SYNE1: variants seen among roughly 807,000 people sequenced by gnomAD.
SYNE1 encodes the protein nesprin-1.
In SYNE1, 616 loss-of-function variants were observed where a neutral mutation model predicts 1,111.0. The observed-to-expected ratio is 0.55, with a 90% CI of 0.52 to 0.59. The LOEUF (loss-of-function observed/expected upper bound fraction) is 0.59, where lower values mean the gene tolerates loss of function less well. Among genes scored for constraint, SYNE1 ranks in the 20% least tolerant of loss-of-function variants. The probability of loss-of-function intolerance (pLI) is 0.00; values close to 1 mark genes in which losing one functional copy is unlikely to be tolerated. For synonymous variants in SYNE1, 3,855 were observed against 3,825.8 expected (o/e 1.01, Z -0.28); for missense variants, 10,006 against 10,417.0 (o/e 0.96, Z 1.72).
At chr6:152,224,758 C>T (rs746867242) in intron 116 of SYNE1, 94 bp from the exon 117 acceptor site, 21 of 1,286,250 alleles carry the variant, frequency 1.6e-5, no homozygotes, top group Non-Finnish European at 1.9e-5. Context: ...CATCTAAGAA[C>T]TTCATCAGGG....
intron 100 of SYNE1, among the ~76,000 whole-genome samples, 181 bp from the exon 101 acceptor site, chr6:152,262,369 A>G (rs977376916): frequency 5.3e-5 from 8 of 152,228 alleles, no homozygotes; most frequent in Non-Finnish European, 8.8e-5. Context: ...ATTCCTACTC[A>G]TTGATAAACT....
At chr6:152,494,303 A>C (rs1347764152) in intron 11 of SYNE1, among the ~76,000 whole-genome samples, 1 of 152,046 alleles carries the variant, frequency 6.6e-6, no homozygotes, top group Non-Finnish European at 1.5e-5. Flanking sequence ...CACAATTACC[A>C]TTGTTCCTGG....
At chr6:152,131,536 A>C (rs969504888) in intron 144 of SYNE1, among the ~76,000 whole-genome samples, 2 of 152,214 alleles carry the variant, frequency 1.3e-5, no homozygotes, top group African/African-American at 2.4e-5. Context: ...AGAGGGTAGC[A>C]GGGGCCGAAT....
intron 129 of SYNE1, among the ~76,000 whole-genome samples, chr6:152,178,290 T>G (rs2066984593): frequency 6.6e-6 from 1 of 152,164 alleles, no homozygotes; most frequent in Admixed American, 6.5e-5. Flanking sequence ...AAATTTATTC[T>G]ATAGCAAATT....
In SYNE1 at chr6:152,293,760, A is replaced by T. The variant is rs911399600; in HGVS notation, c.17851-11T>A. 6.2e-7 allele frequency: 1 copy of T among 1,613,922 alleles called. No individual in the cohort carries two copies. Among genetic ancestry groups the T allele is most frequent in the African/African-American group, 1.3e-5 (1 of 74,926 alleles). ...CTGCTTCTCACTGATCTACACCAGA[A>T]AAGGGATATTACCAAATGCTTCCCA... is the stretch of plus-strand genomic sequence containing the variant. On this transcript the variant is annotated splice_polypyrimidine_tract_variant and intron_variant, in intron 94 of 145. Transcript: ENST00000367255.
chr6:152,202,925 A>G (rs1048860777), intron 126 of SYNE1, among the ~76,000 whole-genome samples: 4 of 152,216 alleles, frequency 2.6e-5, no homozygotes, highest in African/African-American at 9.6e-5. Context: ...GTAAATTAAG[A>G]TGTAGAAGAA....
intron 127 of SYNE1, among the ~76,000 whole-genome samples, chr6:152,200,951 A>G (rs768628186): frequency 6.6e-6 from 1 of 152,184 alleles, no homozygotes; most frequent in Non-Finnish European, 1.5e-5. Context: ...AACAATTATC[A>G]TCTCTTAAAT....
At chr6:152,282,560 A>G (rs1225735702) in intron 96 of SYNE1, among the ~76,000 whole-genome samples, 1 of 152,208 alleles carries the variant, frequency 6.6e-6, no homozygotes, top group Non-Finnish European at 1.5e-5. Context: ...TGAAAAAAAA[A>G]TCGACGTCAA....
chr6:152,435,784 C>T (rs560270246), intron 33 of SYNE1, 157 bp downstream of exon 33: 34 of 900,396 alleles, frequency 3.8e-5, no homozygotes, highest in African/African-American at 6.7e-5. Context: ...TCTGTATTAG[C>T]GATACTTTCT....
chr6:152,434,882 C>T (rs2098459365), intron 33 of SYNE1: 1 of 151,954 alleles, frequency 6.6e-6, no homozygotes, highest in Admixed American at 6.6e-5. Context: ...AAATTTATAC[C>T]CTGAATGTGC....
chr6:152,450,574 A>G (rs1357526249), intron 27 of SYNE1, 51 bp downstream of exon 27: 6 of 1,445,024 alleles, frequency 4.2e-6, no homozygotes, highest in Non-Finnish European at 5.8e-6. Context: ...TCTCCGAACT[A>G]ACAGAATTAA....
intron 3 of SYNE1, among the ~76,000 whole-genome samples, chr6:152,585,853 G>A (rs372521589): frequency 1.4e-4 from 22 of 152,270 alleles, no homozygotes; most frequent in Admixed American, 1.0e-3. Context: ...AATGTCAGTT[G>A]CAGACAAATG....
intron 130 of SYNE1, chr6:152,168,278 T>C (rs1211444247): frequency 7.8e-6 from 5 of 638,584 alleles, no homozygotes; most frequent in Non-Finnish European, 1.4e-5. Flanking sequence ...AAGTTTCCCC[T>C]TGTCTGTGTA....
chr6:152,597,659 A>G (rs1448253146), intron 3 of SYNE1, among the ~76,000 whole-genome samples: 1 of 152,178 alleles, frequency 6.6e-6, no homozygotes, highest in East Asian at 1.9e-4. Flanking sequence ...TGTGACTATT[A>G]TACAATTATA....
intron 101 of SYNE1, among the ~76,000 whole-genome samples, chr6:152,258,193 C>G (rs1196042998): frequency 2.6e-5 from 4 of 152,080 alleles, no homozygotes; most frequent in African/African-American, 7.2e-5. Flanking sequence ...AGCTGATATT[C>G]CCAAACATGA....
chr6:152,391,490 C>T lies in SYNE1; in HGVS notation c.7791G>A (p.Leu2597=). 1 of 1,612,750 alleles carries T rather than the reference C, an allele frequency of 6.2e-7. No individual in the cohort carries two copies. The highest frequency in any genetic ancestry group is 8.5e-7 in the Non-Finnish European group (1 of 1,179,858). ...EGHGAGQEGR[L]CSQLLTSHQN... ...GGTGGCTTGTGAGGAGCTGGGAACA[C>T]AGGCGGCCCTCCTGCCCAGCACCGT... Residue 2597 remains leucine (L), a synonymous_variant, in exon 52 of 146, where the codon CTG becomes CTA. Coordinates refer to ENST00000367255, the MANE Select transcript of SYNE1 (RefSeq NM_182961.4).
intron 59 of SYNE1, among the ~76,000 whole-genome samples, chr6:152,371,851 A>C (rs1330330289): frequency 2.0e-4 from 1 of 5,014 alleles, no homozygotes; most frequent in Admixed American, 1.5e-3. Context: ...AGGACAGGAA[A>C]GGAAAGGAAA....
At chr6:152,446,081 A>G (rs1046729488) in intron 29 of SYNE1, among the ~76,000 whole-genome samples, 6 of 150,982 alleles carry the variant, frequency 4.0e-5, no homozygotes, top group African/African-American at 1.5e-4. Context: ...TAGGGAAACT[A>G]CTGACTTCTA....
chr6:152,256,894 A>C, intron 101 of SYNE1, 129 bp from the exon 102 acceptor site: 1 of 1,373,470 alleles, frequency 7.3e-7, no homozygotes, highest in South Asian at 1.2e-5. Flanking sequence ...GAGAAATATA[A>C]CTTCTACAAC....
Sources: allele counts gnomAD v4.1 joint callset (sites outside exome capture counted in the v4.1 genomes callset), GRCh38; gene constraint gnomAD v4.1.1; transcripts MANE v1.5; gene names NCBI Gene and HGNC (gene_info 2026-07-23, HGNC 2026-07-21).